SAFB: variants seen among roughly 807,000 people sequenced by gnomAD.
The protein encoded by SAFB is scaffold attachment factor B.
SAFB carries 15 observed loss-of-function variants against 101.6 expected under a neutral mutation model. The ratio of observed to expected loss-of-function variants is 0.15; its 90% CI spans 0.10 to 0.23. SAFB has a LOEUF of 0.23. SAFB is among the 10% of genes least tolerant of loss of function. SAFB has a pLI of 1.00. For synonymous variants in SAFB, 449 were observed against 407.5 expected (o/e 1.10, Z -1.23); for missense variants, 930 against 1,104.1 (o/e 0.84, Z 2.23).
At chr19:5,625,019 G>C (rs1411558985) in intron 1 of SAFB, among the ~76,000 whole-genome samples, 1 of 152,202 alleles carries the variant, frequency 6.6e-6, no homozygotes, top group African/African-American at 2.4e-5. Flanking sequence ...GCTGGTGACT[G>C]AGACTTCCCA....
In SAFB at chr19:5,664,064, G is replaced by A. The variant is rs1245810328; in HGVS notation, c.2196G>A (p.Leu732=). 1 of 1,613,926 alleles carries A rather than the reference G, an allele frequency of 6.2e-7. No homozygotes were observed. Among genetic ancestry groups the A allele is most frequent in the Non-Finnish European group, 8.5e-7 (1 of 1,180,038 alleles). The part of the protein sequence containing the change: ...AYWPEAKRAA[L]DERYHSDFNR... ...GGCCGGAAGCCAAGCGGGCCGCCCT[G>A]GATGAGCGCTACCATTCTGACTTTA... Residue 732 remains leucine, a synonymous_variant, in exon 16 of 21, where the codon CTG becomes CTA. Coordinates refer to ENST00000588852, the MANE Select transcript of SAFB (RefSeq NM_001201338.2).
chr19:5,654,250 G>A (rs749813979), intron 12 of SAFB, 50 bp downstream of exon 12: 1 of 1,609,454 alleles, frequency 6.2e-7, no homozygotes, highest in Non-Finnish European at 8.5e-7. Context: ...TGTGCCTAGT[G>A]GAGTTTGTTA....
chr19:5,661,657 C>T lies in SAFB; in HGVS notation c.2002C>T (p.Arg668Trp). The T allele has an allele frequency of 1.9e-6, 3 of 1,611,788 alleles. No individual in the cohort carries two copies. Among genetic ancestry groups the T allele is most frequent in the Non-Finnish European group, 1.7e-6 (2 of 1,179,506 alleles). ...RLERERMERE[R>W]LERERMHVEH... ...GGAGCGGGAGCGCATGGAGCGGGAA[C>T]GGCTGGAGCGCGAACGCATGCACGT... Residue 668 changes from arginine to tryptophan, a missense_variant, in exon 15 of 21, where the codon CGG becomes TGG. Arg to Trp is a moderately radical substitution (Grantham distance 101). Around this residue, in one of 7 missense-constraint regions of SAFB, gnomAD observed 159 missense variants for 234.1 expected, o/e 0.68. Transcript: ENST00000588852.
At position 5,623,177 on chromosome 19, in the gene SAFB, A is replaced by G. The variant is rs1403447910; in HGVS notation, c.-29A>G. On this transcript the variant is annotated 5_prime_UTR_variant, in exon 1 of 21. Coordinates refer to ENST00000588852, the MANE Select transcript of SAFB (RefSeq NM_001201338.2). ...GATAAAACCGGCCCGGTTCTGTGGA[A>G]AGTGGGCGGCGGAGCCAGGGTCCCT... The G allele has an allele frequency of 6.4e-7, 1 of 1,556,212 alleles. No homozygotes were observed. The highest frequency in any genetic ancestry group is 8.7e-7 in the Non-Finnish European group (1 of 1,150,546).
intron 2 of SAFB, among the ~76,000 whole-genome samples, chr19:5,628,198 C>T (rs1239679504): frequency 6.6e-6 from 1 of 152,068 alleles, no homozygotes; most frequent in Non-Finnish European, 1.5e-5. Flanking sequence ...TTGCACTGAG[C>T]CCAGATCGCA....
In SAFB at chr19:5,653,147, G is replaced by C; in HGVS notation, c.1326G>C (p.Arg442=). 1 of 1,614,018 alleles carries C rather than the reference G, an allele frequency of 6.2e-7. No homozygotes were observed. The change falls in exon 10 of 21, where the codon CGG becomes CGC. Residue 442 remains arginine (R), a synonymous_variant. Transcript: ENST00000588852. ...GCGCCAAGGTTGTGACAAATGCCCG[G>C]AGTCCTGGAGCTCGCTGTTACGGTT... ...VVGAKVVTNA[R]SPGARCYGFV... is the part of the protein sequence containing the mutation.
chr19:5,641,181 T>C (rs2053704943), intron 2 of SAFB, among the ~76,000 whole-genome samples: 1 of 152,204 alleles, frequency 6.6e-6, no homozygotes, highest in East Asian at 1.9e-4. Context: ...TTCTTTTTTC[T>C]TTTTAAGCAT....
Position 5,667,914 on chromosome 19 carries a change from T to C in SAFB, c.2624+28T>C. The C allele has an allele frequency of 6.4e-7, 1 of 1,568,642 alleles. No homozygotes were observed. The highest frequency in any genetic ancestry group is 8.7e-7 in the Non-Finnish European group (1 of 1,155,876). On this transcript the variant is annotated intron_variant, in intron 20 of 20. Transcript: ENST00000588852. This position sits in a 1 kb window ranked among gnomAD's most constrained non-coding sequence, Gnocchi z 4.0. ...AAGGCATGCTGGGGGCGGCGCCCCT[T>C]CCCCCTGCTTTGCATATTGGCCTAC...
At chr19:5,637,155 T>G (rs913614311) in intron 2 of SAFB, among the ~76,000 whole-genome samples, 1 of 150,346 alleles carries the variant, frequency 6.7e-6, no homozygotes, top group Non-Finnish European at 1.5e-5. Flanking sequence ...CCATCCTGGC[T>G]AACACGGTGA....
Position 5,626,477 on chromosome 19 carries a change from A to G in SAFB, c.262A>G (p.Arg88Gly). 1 of 1,598,688 alleles carries G rather than the reference A, an allele frequency of 6.3e-7. No homozygotes were observed. ...TSEGNKKTSK[R>G]SSKGRKPEEE... The stretch of plus-strand genomic sequence containing the variant: ...CGAGGGAAACAAGAAAACATCAAAG[A>G]GGTCTAGCAAAGGTATGGAGGATTT... The change falls in exon 2 of 21, where the codon AGG becomes GGG. Residue 88 changes from arginine to glycine, a missense_variant. Around this residue, in one of 7 missense-constraint regions of SAFB, gnomAD observed 119 missense variants for 171.4 expected, o/e 0.69. Transcript: ENST00000588852.
chr19:5,658,393 A>G (rs571015624), intron 14 of SAFB, among the ~76,000 whole-genome samples: 1 of 152,314 alleles, frequency 6.6e-6, no homozygotes, highest in African/African-American at 2.4e-5. Context: ...TACTTCGTTA[A>G]CTTTAGTTTT....
At chr19:5,641,711 C>T in intron 3 of SAFB, 29 bp from the exon 4 acceptor site, 8 of 1,613,436 alleles carry the variant, frequency 5.0e-6, no homozygotes, top group Non-Finnish European at 6.8e-6. Context: ...GTGGCGGTCA[C>T]ATGATGGTTC....
intron 14 of SAFB, among the ~76,000 whole-genome samples, chr19:5,657,829 T>TA (rs2054099107): frequency 6.6e-6 from 1 of 151,898 alleles, no homozygotes; most frequent in Non-Finnish European, 1.5e-5. Flanking sequence ...CCGGCCTACT[T>TA]ACAGCTCTTT....
Position 5,642,651 on chromosome 19 carries a change from C to CTTTCTTT in SAFB, c.546+708_546+709insCTTTTTT, listed in dbSNP as rs1555696821. Among the ~76,000 whole-genome samples the CTTTCTTT allele has an allele frequency of 1.4e-4, 10 of 70,850 alleles. No homozygotes were observed. The East Asian group carries it at 5.3e-3, about 37-fold the overall frequency. The allele number at this position is 70,850 out of a possible 152,430, so 46.5% of individuals were successfully genotyped here. On this transcript the variant is annotated intron_variant, in intron 4 of 20. Transcript: ENST00000588852. The stretch of plus-strand genomic sequence containing the variant: ...GGCATTGGCATTATGCCCTTCCTTT[C>CTTTCTTT]TTTTTTTTTTTTTTTTTTTTTTTTT...
intron 9 of SAFB, among the ~76,000 whole-genome samples, chr19:5,651,746 C>T (rs899328410): frequency 6.6e-6 from 1 of 152,228 alleles, no homozygotes; most frequent in African/African-American, 2.4e-5. Flanking sequence ...TCCCAAACAG[C>T]CTCCTGCATT....
intron 13 of SAFB, among the ~76,000 whole-genome samples, chr19:5,656,629 T>A (rs992404044): frequency 6.8e-6 from 1 of 146,372 alleles, no homozygotes; most frequent in Non-Finnish European, 1.5e-5. Context: ...CACACTGGAG[T>A]GTAGTGGCGC....
chr19:5,666,954 C>T (rs1472951712), intron 17 of SAFB, 92 bp from the exon 18 acceptor site: 1 of 821,304 alleles, frequency 1.2e-6, no homozygotes, highest in Non-Finnish European at 2.2e-6. Flanking sequence ...GAGTGACTGT[C>T]GTTGTCATCG....
rs2053901300 is a variant in SAFB, at chr19:5,649,994, A to G, written c.1198+19A>G. On this transcript the variant is annotated intron_variant, in intron 8 of 20. Coordinates refer to ENST00000588852, the MANE Select transcript of SAFB (RefSeq NM_001201338.2). ...GAAAAGGGTAGGTCACCTCGGCGACACCAGTCCCTTGGAGCATGTATGGCC... is the reference window on the plus strand; with the variant it reads ...GAAAAGGGTAGGTCACCTCGGCGACGCCAGTCCCTTGGAGCATGTATGGCC... The G allele has an allele frequency of 5.0e-6, 8 of 1,606,568 alleles. No individual in the cohort carries two copies. The highest frequency in any genetic ancestry group is 6.8e-6 in the Non-Finnish European group (8 of 1,173,104).
chr19:5,660,341 C>CTT, intron 14 of SAFB, among the ~76,000 whole-genome samples: 2 of 107,160 alleles, frequency 1.9e-5, no homozygotes, highest in Non-Finnish European at 3.9e-5. Flanking sequence ...CCTGCACACA[C>CTT]CTTTTTTTTT....
Sources: gnomAD v4.1 joint callset for allele counts (sites outside exome capture counted in the v4.1 genomes callset) on GRCh38, gnomAD v4.1.1 for gene constraint, gnomAD v4.1.1 regional missense constraint, Gnocchi (gnomAD v3.1) non-coding constraint, MANE v1.5 for transcripts, NCBI Gene and HGNC (gene_info 2026-07-23, HGNC 2026-07-21) for gene names.